The following SLC22A25 variants were observed in gnomAD, a reference collection of about 807,000 sequenced individuals.
SLC22A25 encodes MGI:2442751, MGI:2385316, MGI:3042283, MGI:3645714, MGI:3605624, MGI:2442750.
A neutral mutation model predicts 45.9 loss-of-function variants in SLC22A25; 44 were observed. The observed-to-expected ratio is 0.96, with a 90% CI of 0.75 to 1.23. SLC22A25 has a LOEUF of 1.23. Ranked by LOEUF, SLC22A25 falls within the 50% of genes most tolerant of loss-of-function variation. SLC22A25 has a pLI of 0.00. For missense variants in SLC22A25, 800 were observed against 666.4 expected (o/e 1.20, Z -2.21); for synonymous variants, 283 against 238.6 (o/e 1.19, Z -1.72).
At chr11:63,181,413 C>T (rs978782185) in intron 8 of SLC22A25, among the ~76,000 whole-genome samples, 1 of 129,824 alleles carries the variant, frequency 7.7e-6, no homozygotes, top group African/African-American at 2.8e-5. Flanking sequence ...CCACAACAGT[C>T]CTGGTGTGTG....
chr11:63,176,338 G>T (rs192346740), intron 9 of SLC22A25, among the ~76,000 whole-genome samples: 32 of 151,840 alleles, frequency 2.1e-4, no homozygotes, highest in African/African-American at 7.7e-4. Flanking sequence ...ATAAAGCTTT[G>T]CCATTCATGC....
chr11:63,170,477 TA>T (rs1173981985), intron 9 of SLC22A25, among the ~76,000 whole-genome samples: 2 of 151,824 alleles, frequency 1.3e-5, no homozygotes, highest in Non-Finnish European at 2.9e-5. Flanking sequence ...AAAAATGATA[TA>T]GGGGATATCA....
At chr11:63,182,907 T>C (rs1425283292) in intron 8 of SLC22A25, among the ~76,000 whole-genome samples, 1 of 152,132 alleles carries the variant, frequency 6.6e-6, no homozygotes, top group East Asian at 1.9e-4. Context: ...ATTCTTTCTA[T>C]ACTTTTATAA....
intron 7 of SLC22A25, among the ~76,000 whole-genome samples, chr11:63,198,643 A>ACCAAAATGG (rs2089138100): frequency 6.6e-6 from 1 of 152,274 alleles, no homozygotes; most frequent in African/African-American, 2.4e-5. Flanking sequence ...GGTCCAGCAC[A>ACCAAAATGG]CCAAAATGGC....
At chr11:63,186,866 A>C (rs1418891025) in intron 7 of SLC22A25, among the ~76,000 whole-genome samples, 3 of 151,816 alleles carry the variant, frequency 2.0e-5, no homozygotes, top group African/African-American at 7.3e-5. Flanking sequence ...GATATGTGGC[A>C]TTATTTCTGA....
chr11:63,208,505 C>A (rs745570239), intron 7 of SLC22A25, among the ~76,000 whole-genome samples: 2 of 152,106 alleles, frequency 1.3e-5, no homozygotes, highest in Admixed American at 6.6e-5. Context: ...TGTAAACCTA[C>A]CCGGGACACG....
intron 5 of SLC22A25, among the ~76,000 whole-genome samples, chr11:63,227,190 C>A (rs1590906677): frequency 6.6e-6 from 1 of 152,042 alleles, no homozygotes; most frequent in Admixed American, 6.5e-5. Flanking sequence ...ATTCTTCCCT[C>A]TCCTTTTCTC....
At chr11:63,195,777 A>G (rs932035375) in intron 7 of SLC22A25, among the ~76,000 whole-genome samples, 19 of 151,722 alleles carry the variant, frequency 1.3e-4, no homozygotes, top group Non-Finnish European at 2.2e-4. Flanking sequence ...AAGGAGATAG[A>G]GACACAAAGA....
At position 63,177,839 on chromosome 11, in the gene SLC22A25, GTATATATATATAA is replaced by G. The variant is rs1565070589; in HGVS notation, c.1070+2808_1070+2820del. On this transcript the variant is annotated intron_variant, in intron 9 of 11. Coordinates refer to ENST00000306494, the MANE Select transcript of SLC22A25 (RefSeq NM_199352.6). ...TATATATAATGTATATATATAATGT[GTATATATATATAA>G]TGTATATATATAATATATATAATGT... Among the ~76,000 whole-genome samples the G allele has an allele frequency of 2.7e-4, 14 of 51,762 alleles. 1 individual carries two copies. Among genetic ancestry groups the G allele is most frequent in the South Asian group, 1.8e-3 (2 of 1,138 alleles). 34.0% of individuals were successfully genotyped at this position (51,762 alleles called of 152,430 possible). A position where few individuals can be genotyped will look rare whatever the true frequency, so the allele number is the denominator to read the frequency against.
At chr11:63,204,442 C>T (rs565417197) in intron 7 of SLC22A25, among the ~76,000 whole-genome samples, 3 of 152,152 alleles carry the variant, frequency 2.0e-5, no homozygotes, top group South Asian at 4.2e-4. Context: ...CACATAGGCT[C>T]ATAATAAAGG....
intron 7 of SLC22A25, among the ~76,000 whole-genome samples, chr11:63,207,012 CA>C (rs1441283062): frequency 6.6e-5 from 10 of 152,018 alleles, no homozygotes; most frequent in African/African-American, 2.2e-4. Flanking sequence ...ATAAACCTGA[CA>C]AAAACAAGCA....
rs551639765 is a variant in SLC22A25 at position 63,231,570 on chromosome 11, G to A, written c.-444-1474C>T. On this transcript the variant is annotated intron_variant, in intron 3 of 11. Transcript: ENST00000306494. ...TAGCCCTTTGTCAGATGAGTAGATT[G>A]CAAAATTTTGCTCCCATTCTGTAGG... 1.2e-4 allele frequency among the ~76,000 whole-genome samples: 19 copies of A among 152,222 alleles called. No homozygotes were observed. The South Asian group carries it at 3.9e-3, about 32-fold the overall frequency.
At chr11:63,208,169 A>G (rs1335338452) in intron 7 of SLC22A25, 2 of 152,292 alleles carry the variant, frequency 1.3e-5, no homozygotes, top group Non-Finnish European at 2.9e-5. Context: ...AAGGCATACC[A>G]TGAGGGAGCT....
At chr11:63,196,708 C>T (rs1379554096) in intron 7 of SLC22A25, among the ~76,000 whole-genome samples, 1 of 152,158 alleles carries the variant, frequency 6.6e-6, no homozygotes. Flanking sequence ...AACAGGGATG[C>T]CTTCTCTCAC....
intron 7 of SLC22A25, among the ~76,000 whole-genome samples, chr11:63,212,342 ATGC>A (rs1258879863): frequency 1.3e-5 from 2 of 152,304 alleles, no homozygotes; most frequent in East Asian, 3.9e-4. Flanking sequence ...ATTATAAAAC[ATGC>A]TGCTATAAAG....
intron 8 of SLC22A25, among the ~76,000 whole-genome samples, chr11:63,182,950 G>T (rs928280324): frequency 1.3e-5 from 2 of 151,908 alleles, no homozygotes; most frequent in Non-Finnish European, 2.9e-5. Flanking sequence ...ATGTCCATTA[G>T]TTCTCCTCTC....
chr11:63,199,906 G>C (rs571356325), intron 7 of SLC22A25, among the ~76,000 whole-genome samples: 3 of 151,870 alleles, frequency 2.0e-5, no homozygotes, highest in Admixed American at 1.3e-4. Flanking sequence ...GGATGTGCCT[G>C]CGTGCCAGAC....
intron 7 of SLC22A25, among the ~76,000 whole-genome samples, chr11:63,205,867 A>G (rs1268134761): frequency 6.6e-6 from 1 of 152,184 alleles, no homozygotes; most frequent in African/African-American, 2.4e-5. Context: ...TCAGGCCAAT[A>G]TTCCTGATGA....
chr11:63,203,955 A>C lies in SLC22A25; in HGVS notation c.830+13359T>G, dbSNP rs527729045. Among the ~76,000 whole-genome samples, 4 of 152,344 alleles carry C rather than the reference A, an allele frequency of 2.6e-5. No homozygotes were observed. The South Asian group carries it at 8.3e-4, about 32-fold the overall frequency. Reference sequence around the variant, plus strand: ...GGGAAGCCCATCAGACTAACAGTGGATCACTCTGCAGAAACCCTACAAGCC... The same window carrying C: ...GGGAAGCCCATCAGACTAACAGTGGCTCACTCTGCAGAAACCCTACAAGCC... On this transcript the variant is annotated intron_variant, in intron 7 of 11. Coordinates refer to ENST00000306494, the MANE Select transcript of SLC22A25 (RefSeq NM_199352.6).
Sources: gnomAD v4.1 joint callset for allele counts (sites outside exome capture counted in the v4.1 genomes callset) on GRCh38, gnomAD v4.1.1 for gene constraint, MANE v1.5 for transcripts, NCBI Gene and HGNC (gene_info 2026-07-23, HGNC 2026-07-21) for gene names.